Variants in TRIM69 observed in about 807,000 individuals in gnomAD.
The protein encoded by TRIM69 is tripartite motif containing 69, also known as E3 ubiquitin-protein ligase TRIM69.
TRIM69 carries 29 observed loss-of-function variants against 37.7 expected under a neutral mutation model. The ratio of observed to expected loss-of-function variants is 0.77; its 90% CI spans 0.57 to 1.05. The LOEUF (loss-of-function observed/expected upper bound fraction) is 1.05. Among genes scored for constraint, TRIM69 ranks in the 50% least tolerant of loss-of-function variants. The pLI is 0.00. For missense variants in TRIM69, 596 were observed against 579.9 expected (o/e 1.03, Z -0.28); for synonymous variants, 209 against 212.4 (o/e 0.98, Z 0.14).
chr15:44,767,078 A>AAAAAAAAAAAAAAAC (rs2087908675), intron 6 of TRIM69, among the ~76,000 whole-genome samples, 153 bp from the exon 7 acceptor site: 1 of 148,836 alleles, frequency 6.7e-6, no homozygotes, highest in Non-Finnish European at 1.5e-5. Context: ...AAAAAAAAAA[A>AAAAAAAAAAAAAAAC]AAAAAAGCAT....
chr15:44,767,078 A>AAAAAAAAAAAAAAAAAAC (rs2087908675), intron 6 of TRIM69, among the ~76,000 whole-genome samples, 153 bp from the exon 7 acceptor site: 1 of 148,836 alleles, frequency 6.7e-6, no homozygotes, highest in Non-Finnish European at 1.5e-5. Flanking sequence ...AAAAAAAAAA[A>AAAAAAAAAAAAAAAAAAC]AAAAAAGCAT....
Position 44,758,901 on chromosome 15 carries a change from G to T in TRIM69, c.813+47G>T, listed in dbSNP as rs751000158. On this transcript the variant is annotated intron_variant, in intron 4 of 6. Transcript: ENST00000329464. ...ATTATGGGTACCTTCCTACCTAGAG[G>T]GGGGAAGAGGTTTGGAAAGAATGCG... The T allele has an allele frequency of 2.6e-5, 41 of 1,567,910 alleles. 1 individual carries two copies. The Middle Eastern group carries it at 5.0e-4, about 19-fold the overall frequency.
At position 44,752,055 on chromosome 15, in the gene TRIM69, T is replaced by C. The variant is rs1243878510; in HGVS notation, c.7-2845T>C. ...GAGGTGTGAGCCACTGTGCACAGCC[T>C]GTATTTTTGTTTTTACTCATCTCAA... On this transcript the variant is annotated intron_variant, in intron 1 of 6. Coordinates refer to ENST00000329464, the MANE Select transcript of TRIM69 (RefSeq NM_182985.5). Among the ~76,000 whole-genome samples, 8 of 152,208 alleles carry C rather than the reference T, an allele frequency of 5.3e-5. No homozygotes were observed. The East Asian group carries it at 1.3e-3, about 26-fold the overall frequency.
At chr15:44,754,667 T>G in intron 1 of TRIM69, 1 of 473,834 alleles carries the variant, frequency 2.1e-6, no homozygotes, top group Non-Finnish European at 3.7e-6. Flanking sequence ...GTACATTTCT[T>G]TGATTTAGTA....
At position 44,755,103 on chromosome 15, in the gene TRIM69, G is replaced by A; in HGVS notation, c.210G>A (p.Arg70=). Residue 70 remains arginine (R), a synonymous_variant, in exon 2 of 7, where the codon AGG becomes AGA. Transcript: ENST00000329464. The part of the protein sequence containing the change: ...FCEACIQDFW[R]LQAKETFCPE... ...AAGCCTGTATCCAAGACTTTTGGAG[G>A]CTGCAAGCAAAGGAAACATTCTGTC... 1 of 1,614,178 alleles carries A rather than the reference G, an allele frequency of 6.2e-7. No individual in the cohort carries two copies. Among genetic ancestry groups the A allele is most frequent in the Non-Finnish European group, 8.5e-7 (1 of 1,180,024 alleles).
intron 1 of TRIM69, among the ~76,000 whole-genome samples, chr15:44,743,425 C>T (rs2087335759): frequency 6.6e-6 from 1 of 152,202 alleles, no homozygotes; most frequent in South Asian, 2.1e-4. Context: ...ATGTCTAAAA[C>T]ACCAAAAGCA....
At chr15:44,766,165 G>A (rs1042152339) in intron 6 of TRIM69, among the ~76,000 whole-genome samples, 2 of 152,032 alleles carry the variant, frequency 1.3e-5, no homozygotes, top group Admixed American at 6.5e-5. Flanking sequence ...ATTAAAAAAA[G>A]CAAAGATTAC....
intron 1 of TRIM69, among the ~76,000 whole-genome samples, chr15:44,740,649 A>T (rs1398842906): frequency 1.3e-5 from 2 of 151,992 alleles, no homozygotes; most frequent in Non-Finnish European, 2.9e-5. Flanking sequence ...AAACAAAAAA[A>T]GGCAGGGGTT....
At chr15:44,759,897 T>C (rs370343967) in intron 6 of TRIM69, 25 bp downstream of exon 6, 1 of 1,596,422 alleles carries the variant, frequency 6.3e-7, no homozygotes, top group Non-Finnish European at 8.6e-7. Context: ...TAACTATTGG[T>C]TCTTGAGGCT....
intron 1 of TRIM69, among the ~76,000 whole-genome samples, chr15:44,743,628 A>G (rs1209387073): frequency 2.6e-5 from 4 of 152,166 alleles, no homozygotes; most frequent in Non-Finnish European, 5.9e-5. Context: ...GAAAAAAACA[A>G]CCCCATCAAA....
At chr15:44,740,834 C>T (rs958878152) in intron 1 of TRIM69, among the ~76,000 whole-genome samples, 15 of 152,030 alleles carry the variant, frequency 9.9e-5, no homozygotes, top group African/African-American at 3.4e-4. Flanking sequence ...GAGTGACCTA[C>T]AAAGAGACTT....
At position 44,767,326 on chromosome 15, in the gene TRIM69, A is replaced by T; in HGVS notation, c.1057A>T (p.Ile353Leu). The T allele has an allele frequency of 6.2e-7, 1 of 1,614,100 alleles. No homozygotes were observed. The stretch of plus-strand genomic sequence containing the variant: ...CGTCTGGCATGGTGACATTAAGAAG[A>T]TAATGCCTGATGATCCTGAGAGGTT... Reference protein sequence around the residue: ...TSVWHGDIKKIMPDDPERFDS... With the variant: ...TSVWHGDIKKLMPDDPERFDS... Residue 353 changes from isoleucine (I) to leucine (L), a missense_variant, in exon 7 of 7, where the codon ATA becomes TTA. Ile to Leu is a conservative substitution (Grantham distance 5). Transcript: ENST00000329464.
chr15:44,752,186 G>T (rs570127648), intron 1 of TRIM69, among the ~76,000 whole-genome samples: 2 of 152,028 alleles, frequency 1.3e-5, no homozygotes, highest in Admixed American at 1.3e-4. Context: ...TTCTGTTATT[G>T]ATTTCTAGTT....
rs771553297 is a variant in TRIM69, at chr15:44,761,078, C to T, written c.961+1206C>T. Reference sequence around the variant, plus strand: ...GACTACAGGCGCCTGCCACCATGCCCGGCTAATTTTTTTATATTTTCAGTA... The same window carrying T: ...GACTACAGGCGCCTGCCACCATGCCTGGCTAATTTTTTTATATTTTCAGTA... On this transcript the variant is annotated intron_variant, in intron 6 of 6. Transcript: ENST00000329464. Among the ~76,000 whole-genome samples the T allele has an allele frequency of 4.5e-4, 69 of 151,884 alleles. 1 individual carries two copies. The highest frequency in any genetic ancestry group is 8.3e-4 in the South Asian group (4 of 4,812).
At chr15:44,767,069 A>AAAAAAAAAAAAAAAAAAAAAAAAAAG (rs1176757255) in intron 6 of TRIM69, among the ~76,000 whole-genome samples, 162 bp from the exon 7 acceptor site, 1 of 147,652 alleles carries the variant, frequency 6.8e-6, no homozygotes, top group Non-Finnish European at 1.5e-5. Flanking sequence ...AAAAAAAAAA[A>AAAAAAAAAAAAAAAAAAAAAAAAAAG]AAAAAAAAAA....
chr15:44,748,919 C>T (rs902868915), intron 1 of TRIM69, among the ~76,000 whole-genome samples: 4 of 151,232 alleles, frequency 2.6e-5, no homozygotes, highest in South Asian at 2.1e-4. Context: ...CTTACTTTGT[C>T]GCCCAGGCTA....
chr15:44,743,559 T>C (rs2087338578), intron 1 of TRIM69, among the ~76,000 whole-genome samples: 1 of 152,144 alleles, frequency 6.6e-6, no homozygotes, highest in Non-Finnish European at 1.5e-5. Context: ...TTTCGCAACC[T>C]ACTCATCTGA....
At chr15:44,749,727 C>T (rs1237641593) in intron 1 of TRIM69, among the ~76,000 whole-genome samples, 2 of 152,040 alleles carry the variant, frequency 1.3e-5, no homozygotes, top group Non-Finnish European at 2.9e-5. Flanking sequence ...GTTTTCAGTT[C>T]TTTTGGGTAT....
chr15:44,761,815 G>T (rs757051029), intron 6 of TRIM69, among the ~76,000 whole-genome samples: 3 of 151,846 alleles, frequency 2.0e-5, no homozygotes, highest in Non-Finnish European at 4.4e-5. Flanking sequence ...GTGCTTCCTT[G>T]CCATTCATAT....
Sources: gnomAD v4.1 joint callset for allele counts (sites outside exome capture counted in the v4.1 genomes callset) on GRCh38, gnomAD v4.1.1 for gene constraint, MANE v1.5 for transcripts, NCBI Gene and HGNC (gene_info 2026-07-23, HGNC 2026-07-21) for gene names.